AFF1: variants seen among roughly 807,000 people sequenced by gnomAD.
The protein encoded by AFF1 is AF4/FMR2 family member 1.
A neutral mutation model predicts 121.7 loss-of-function variants in AFF1; 48 were observed. The observed-to-expected ratio is 0.39, with a 90% CI of 0.31 to 0.50. The LOEUF (loss-of-function observed/expected upper bound fraction) is 0.50. Among genes scored for constraint, AFF1 ranks in the 20% least tolerant of loss-of-function variants. The probability of loss-of-function intolerance (pLI) is 0.76; values close to 1 mark genes in which losing one functional copy is unlikely to be tolerated. For missense variants in AFF1, 1,523 were observed against 1,511.7 expected (o/e 1.01, Z -0.12); for synonymous variants, 613 against 563.0 (o/e 1.09, Z -1.26).
chr4:86,958,425 A>G (rs1181684396), intron 2 of AFF1, among the ~76,000 whole-genome samples: 4 of 152,004 alleles, frequency 2.6e-5, no homozygotes, highest in African/African-American at 7.3e-5. Flanking sequence ...ATGTCTTTTA[A>G]AATTGTTTTT....
intron 8 of AFF1, 152 bp from the exon 9 acceptor site, chr4:87,105,476 C>A: frequency 2.7e-6 from 2 of 746,866 alleles, no homozygotes; most frequent in East Asian, 2.7e-5. Context: ...TAAAACTTAA[C>A]ATTTTCAGGA....
At chr4:87,034,976 T>A (rs1408880544) in intron 2 of AFF1, among the ~76,000 whole-genome samples, 1 of 152,226 alleles carries the variant, frequency 6.6e-6, no homozygotes, top group Non-Finnish European at 1.5e-5. Context: ...GAATAGTCTG[T>A]GCCCTTAAGG....
At chr4:87,049,947 A>G (rs1056224410) in intron 4 of AFF1, among the ~76,000 whole-genome samples, 1 of 152,198 alleles carries the variant, frequency 6.6e-6, no homozygotes, top group African/African-American at 2.4e-5. Flanking sequence ...CTCATGTTGC[A>G]CAGACTTAGC....
At position 87,127,702 on chromosome 4, in the gene AFF1, T is replaced by C. The variant is rs774888687; in HGVS notation, c.2963T>C (p.Met988Thr). 18 of 1,614,010 alleles carry C rather than the reference T, an allele frequency of 1.1e-5. No homozygotes were observed. In the South Asian group the frequency reaches 2.0e-4, roughly 18 times the overall value. ...AKKMKQKAEL[M>T]TDRVGKAFKY... is the part of the protein sequence containing the mutation. ...AAGATGAAGCAGAAAGCAGAGTTAATGGTTAGTATTGGCCCTTTATCTCTT... is the reference window on the plus strand; with the variant it reads ...AAGATGAAGCAGAAAGCAGAGTTAACGGTTAGTATTGGCCCTTTATCTCTT... The change falls in exon 16 of 21, where the codon ATG becomes ACG. Residue 988 changes from methionine (M) to threonine (T), a missense_variant and splice_region_variant. Coordinates refer to ENST00000395146, the MANE Select transcript of AFF1 (RefSeq NM_001166693.3).
At chr4:87,107,735 A>G (rs1418639923) in intron 10 of AFF1, among the ~76,000 whole-genome samples, 1 of 152,220 alleles carries the variant, frequency 6.6e-6, no homozygotes, top group East Asian at 1.9e-4. Context: ...ATATGTCTCT[A>G]TTGCAGCTGT....
chr4:87,113,283 G>A (rs138235636), intron 11 of AFF1, among the ~76,000 whole-genome samples: 63 of 152,072 alleles, frequency 4.1e-4, no homozygotes, highest in African/African-American at 1.5e-3. Context: ...GAGATTTGAT[G>A]TATGACCTTT....
At chr4:86,966,265 C>T (rs1314032117) in intron 2 of AFF1, among the ~76,000 whole-genome samples, 2 of 152,008 alleles carry the variant, frequency 1.3e-5, no homozygotes, top group African/African-American at 2.4e-5. Flanking sequence ...ATTTTGTGTG[C>T]GGTGCTGTCA....
At chr4:87,111,135 G>C (rs1456600685) in intron 11 of AFF1, among the ~76,000 whole-genome samples, 1 of 83,846 alleles carries the variant, frequency 1.2e-5, no homozygotes, top group African/African-American at 4.1e-5. Flanking sequence ...AGCCTCCCGA[G>C]TAGCTGGGAC....
In AFF1 at chr4:87,095,291, G is replaced by A. The variant is rs142815889; in HGVS notation, c.1283+322G>A. 4.5e-4 allele frequency among the ~76,000 whole-genome samples: 68 copies of A among 152,200 alleles called. 1 individual carries two copies. Among genetic ancestry groups the A allele is most frequent in the African/African-American group, 1.6e-3 (66 of 41,524 alleles). ...CCACCACCATGCCTGACTAATTTTT[G>A]TATTTTTAGTGTAGAGAGGGTTTCA... On this transcript the variant is annotated intron_variant, in intron 8 of 20. Transcript: ENST00000395146.
At chr4:87,105,889 T>C in intron 10 of AFF1, 44 bp downstream of exon 10, 1 of 1,605,276 alleles carries the variant, frequency 6.2e-7, no homozygotes, top group African/African-American at 1.3e-5. Flanking sequence ...TGTTTGCAAT[T>C]TTTTACCAAA....
chr4:87,060,829 C>A (rs1720673951), intron 4 of AFF1, among the ~76,000 whole-genome samples: 1 of 101,348 alleles, frequency 9.9e-6, no homozygotes. Context: ...GAGTGAGACT[C>A]TGTCTCAAAA....
At chr4:86,947,077 G>A (rs1430881876) in intron 1 of AFF1, among the ~76,000 whole-genome samples, 1 of 152,214 alleles carries the variant, frequency 6.6e-6, no homozygotes, top group Non-Finnish European at 1.5e-5. Context: ...AGCTAGCGAT[G>A]CAGAGAAAGA....
chr4:87,006,059 G>C (rs1215993000), intron 2 of AFF1, among the ~76,000 whole-genome samples: 1 of 152,164 alleles, frequency 6.6e-6, no homozygotes, highest in Non-Finnish European at 1.5e-5. Flanking sequence ...GGTGCCTTGG[G>C]CCTCCCTCCC....
chr4:87,040,647 A>G (rs1164721392), intron 2 of AFF1, among the ~76,000 whole-genome samples: 4 of 151,612 alleles, frequency 2.6e-5, no homozygotes, highest in Non-Finnish European at 4.4e-5. Context: ...GCTCACAGCA[A>G]CAACCTCTGC....
At chr4:86,996,604 C>G (rs1444464679) in intron 2 of AFF1, among the ~76,000 whole-genome samples, 1 of 151,400 alleles carries the variant, frequency 6.6e-6, no homozygotes, top group Non-Finnish European at 1.5e-5. Context: ...CCGCAGGGTC[C>G]TCTGCCTAGG....
intron 1 of AFF1, among the ~76,000 whole-genome samples, chr4:86,939,707 A>G (rs1385917039): frequency 1.3e-5 from 2 of 152,200 alleles, no homozygotes; most frequent in Non-Finnish European, 2.9e-5. Flanking sequence ...CTTCTTATAG[A>G]TACAGTGAAT....
intron 2 of AFF1, among the ~76,000 whole-genome samples, chr4:87,003,902 ATGT>A (rs1725904841): frequency 6.6e-6 from 1 of 152,252 alleles, no homozygotes; most frequent in African/African-American, 2.4e-5. Context: ...ATGAAAATAA[ATGT>A]TGGCCAATTA....
chr4:87,081,152 A>ATTTT (rs549510832), intron 4 of AFF1, among the ~76,000 whole-genome samples: 3,024 of 89,654 alleles, frequency 0.034, 522 homozygotes, highest in East Asian at 0.06. Context: ...AATGAAATGA[A>ATTTT]TTTTTTTTTT....
At chr4:87,128,402 G>A (rs1728498555) in intron 16 of AFF1, among the ~76,000 whole-genome samples, 1 of 152,120 alleles carries the variant, frequency 6.6e-6, no homozygotes, top group Non-Finnish European at 1.5e-5. Flanking sequence ...GATAATGTTT[G>A]CCCTTTGTCA....
Sources: gnomAD v4.1 joint callset for allele counts (sites outside exome capture counted in the v4.1 genomes callset) on GRCh38, gnomAD v4.1.1 for gene constraint, MANE v1.5 for transcripts, NCBI Gene and HGNC (gene_info 2026-07-23, HGNC 2026-07-21) for gene names.